LRMDA: variants seen among roughly 807,000 people sequenced by gnomAD.
LRMDA encodes the protein leucine-rich melanocyte differentiation-associated protein.
In LRMDA, 18 loss-of-function variants were observed where a neutral mutation model predicts 29.8. The ratio of observed to expected loss-of-function variants is 0.60; its 90% CI spans 0.42 to 0.90. The LOEUF is 0.90. Among genes scored for constraint, LRMDA ranks in the 40% least tolerant of loss-of-function variants. LRMDA has a pLI of 0.00. For missense variants in LRMDA, 273 were observed against 273.9 expected, an observed-to-expected ratio of 1.00 and a Z score of 0.02; for synonymous variants, 125 against 109.4, an observed-to-expected ratio of 1.14 and a Z score of -0.89.
chr10:76,551,058 C>T (rs921887462), intron 6 of LRMDA, among the ~76,000 whole-genome samples: 3 of 152,152 alleles, frequency 2.0e-5, no homozygotes, highest in Non-Finnish European at 4.4e-5. Context: ...ACGGCCTGCA[C>T]TTAACAAAGA....
intron 2 of LRMDA, among the ~76,000 whole-genome samples, chr10:75,790,296 AG>A (rs1304905137): frequency 6.6e-6 from 1 of 152,172 alleles, no homozygotes; most frequent in Non-Finnish European, 1.5e-5. Context: ...CTCTGGGTGG[AG>A]GGCAGATTCA....
At chr10:75,551,279 GGT>G (rs934251856) in intron 2 of LRMDA, among the ~76,000 whole-genome samples, 3 of 151,482 alleles carry the variant, frequency 2.0e-5, no homozygotes, top group African/African-American at 7.3e-5. Context: ...GAGATATGTA[GGT>G]GTAGAAGCAC....
intron 2 of LRMDA, among the ~76,000 whole-genome samples, chr10:75,695,094 C>A (rs1009743534): frequency 2.0e-5 from 3 of 152,128 alleles, no homozygotes; most frequent in Non-Finnish European, 2.9e-5. Flanking sequence ...CGAGGTCTCA[C>A]TGACCATTTT....
At chr10:76,085,316 T>C (rs926687005) in intron 5 of LRMDA, among the ~76,000 whole-genome samples, 6 of 152,076 alleles carry the variant, frequency 3.9e-5, no homozygotes, top group Non-Finnish European at 8.8e-5. Flanking sequence ...GAGGAAGATA[T>C]TTGGAAAGCA....
At chr10:76,067,170 A>C (rs1848798127) in intron 5 of LRMDA, among the ~76,000 whole-genome samples, 1 of 152,220 alleles carries the variant, frequency 6.6e-6, no homozygotes, top group Non-Finnish European at 1.5e-5. Context: ...CAACATCTCG[A>C]AAATGTTCTT....
chr10:76,316,553 C>T (rs1451486732), intron 5 of LRMDA, among the ~76,000 whole-genome samples: 3 of 152,154 alleles, frequency 2.0e-5, no homozygotes, highest in Non-Finnish European at 2.9e-5. Context: ...CAGGCAAAGG[C>T]GCCACGGGCC....
intron 2 of LRMDA, among the ~76,000 whole-genome samples, chr10:75,806,885 A>G (rs1443088411): frequency 1.3e-5 from 2 of 151,064 alleles, no homozygotes; most frequent in African/African-American, 4.9e-5. Flanking sequence ...TTCCTATTCT[A>G]TGTCTTAGGC....
At chr10:75,934,044 G>A (rs1846247424) in intron 2 of LRMDA, among the ~76,000 whole-genome samples, 1 of 152,164 alleles carries the variant, frequency 6.6e-6, no homozygotes, top group Non-Finnish European at 1.5e-5. Context: ...CAGCCTTCTT[G>A]GTTAGCTCTG....
intron 2 of LRMDA, among the ~76,000 whole-genome samples, chr10:75,627,085 A>AG (rs140236604): frequency 0.016 from 2,418 of 152,324 alleles, 53 homozygotes; most frequent in African/African-American, 0.052. Flanking sequence ...AGACTATTTT[A>AG]GGTTTGGCCT....
At chr10:75,924,704 A>G (rs1846088778) in intron 2 of LRMDA, among the ~76,000 whole-genome samples, 1 of 152,020 alleles carries the variant, frequency 6.6e-6, no homozygotes, top group Admixed American at 6.6e-5. Flanking sequence ...CTGAAAGAGG[A>G]AGAGAACATG....
chr10:76,428,516 C>A (rs1842154448), intron 6 of LRMDA, among the ~76,000 whole-genome samples: 1 of 152,182 alleles, frequency 6.6e-6, no homozygotes, highest in Non-Finnish European at 1.5e-5. Flanking sequence ...AGTTTTCCTT[C>A]CAGGCCCCAC....
At chr10:75,789,072 G>A (rs144128186) in intron 2 of LRMDA, among the ~76,000 whole-genome samples, 1 of 152,360 alleles carries the variant, frequency 6.6e-6, no homozygotes, top group Non-Finnish European at 1.5e-5. Flanking sequence ...CTAATGTAGT[G>A]TAGTGGTGAT....
chr10:75,799,680 T>TTGTG (rs57575125), intron 2 of LRMDA, among the ~76,000 whole-genome samples: 11,006 of 136,058 alleles, frequency 0.081, 465 homozygotes, highest in African/African-American at 0.11. Context: ...ATTCCTAGCT[T>TTGTG]TGTGTGTGTG....
chr10:75,801,400 C>T (rs1286512783), intron 2 of LRMDA, among the ~76,000 whole-genome samples: 1 of 152,194 alleles, frequency 6.6e-6, no homozygotes, highest in Non-Finnish European at 1.5e-5. Context: ...TCTGGAGTGG[C>T]CTCAAGGGGA....
At chr10:75,894,669 G>A (rs1281164851) in intron 2 of LRMDA, among the ~76,000 whole-genome samples, 3 of 152,126 alleles carry the variant, frequency 2.0e-5, no homozygotes, top group African/African-American at 7.2e-5. Context: ...ATTGTAGCCT[G>A]GCATGAGAAA....
chr10:76,524,935 T>G (rs1221301763), intron 6 of LRMDA, among the ~76,000 whole-genome samples: 1 of 152,132 alleles, frequency 6.6e-6, no homozygotes, highest in Non-Finnish European at 1.5e-5. Flanking sequence ...TCTTAGAAAA[T>G]AACACACACT....
chr10:76,175,235 T>C (rs753076591), intron 5 of LRMDA, among the ~76,000 whole-genome samples: 7 of 152,206 alleles, frequency 4.6e-5, no homozygotes, highest in Non-Finnish European at 1.0e-4. Context: ...GTTGAGACCC[T>C]GTAGCATGAG....
At chr10:76,052,046 C>A (rs1386811454) in intron 4 of LRMDA, among the ~76,000 whole-genome samples, 6 of 152,184 alleles carry the variant, frequency 3.9e-5, no homozygotes, top group Admixed American at 3.9e-4. Flanking sequence ...AGTGAGGAAG[C>A]ATGATGTTTT....
intron 2 of LRMDA, among the ~76,000 whole-genome samples, chr10:75,762,431 C>G (rs1427490685): frequency 6.6e-6 from 1 of 151,172 alleles, no homozygotes; most frequent in Non-Finnish European, 1.5e-5. Context: ...CCCAATTCTT[C>G]CAATGTGGCC....
Sources: allele counts gnomAD v4.1 joint callset (sites outside exome capture counted in the v4.1 genomes callset), GRCh38; gene constraint gnomAD v4.1.1; transcripts MANE v1.5; gene names NCBI Gene and HGNC (gene_info 2026-07-23, HGNC 2026-07-21).